The following ASB4 variants were observed in gnomAD, a reference collection of about 807,000 sequenced individuals.
ASB4 encodes the protein ankyrin repeat and SOCS box protein 4.
Under a neutral mutation model 38.6 loss-of-function variants are expected in ASB4, and 35 were observed. The observed-to-expected ratio is 0.91, with a 90% confidence interval of 0.69 to 1.20. The LOEUF is 1.20. Ranked by LOEUF, ASB4 falls within the 50% of genes most tolerant of loss-of-function variation. ASB4 has a pLI of 0.00. For missense variants in ASB4, 557 were observed against 527.2 expected, an observed-to-expected ratio of 1.06 and a Z score of -0.55; for synonymous variants, 195 against 201.3, an observed-to-expected ratio of 0.97 and a Z score of 0.26.
At chr7:95,491,096 C>G (rs1008248565) in intron 1 of ASB4, among the ~76,000 whole-genome samples, 6 of 152,246 alleles carry the variant, frequency 3.9e-5, no homozygotes, top group African/African-American at 1.2e-4. Flanking sequence ...TTGACAAGAC[C>G]CTCTCTAAGT....
intron 2 of ASB4, among the ~76,000 whole-genome samples, chr7:95,508,900 A>C (rs1790445006): frequency 6.6e-6 from 1 of 152,224 alleles, no homozygotes; most frequent in Non-Finnish European, 1.5e-5. Context: ...CAAAGACAGA[A>C]GATTGTGGGC....
chr7:95,479,179 T>C (rs1198715943), intron 1 of ASB4, among the ~76,000 whole-genome samples: 3 of 152,222 alleles, frequency 2.0e-5, no homozygotes, highest in Non-Finnish European at 4.4e-5. Flanking sequence ...TTTTGAATTA[T>C]TTGAAACACA....
At chr7:95,546,027 A>G in the ASB4 span, among the ~76,000 whole-genome samples, 1 of 152,222 alleles carries the variant, frequency 6.6e-6, no homozygotes, top group African/African-American at 2.4e-5. Flanking sequence ...TAATGCATAG[A>G]ATCAGACATG....
At chr7:95,527,742 T>G in intron 2 of ASB4, 71 bp from the exon 3 acceptor site, 1 of 1,400,006 alleles carries the variant, frequency 7.1e-7, no homozygotes. Flanking sequence ...GAGAAAAGTC[T>G]TGTTTAATGA....
At chr7:95,533,810 G>A (rs555355936) in intron 3 of ASB4, among the ~76,000 whole-genome samples, 3 of 152,310 alleles carry the variant, frequency 2.0e-5, no homozygotes, top group African/African-American at 2.4e-5. Context: ...AGTATATGAA[G>A]ATTTAACACA....
downstream of ASB4, among the ~76,000 whole-genome samples, chr7:95,541,941 C>G (rs1032324692): frequency 6.6e-6 from 1 of 152,108 alleles, no homozygotes; most frequent in Non-Finnish European, 1.5e-5. Context: ...GTGGCACATG[C>G]CTGTAGTCCC....
intron 2 of ASB4, among the ~76,000 whole-genome samples, chr7:95,504,391 G>A (rs1790380556): frequency 6.6e-6 from 1 of 152,210 alleles, no homozygotes. Flanking sequence ...AGTGGAACAT[G>A]GTAAGGCAAG....
At chr7:95,532,340 G>GT (rs1790829644) in intron 3 of ASB4, among the ~76,000 whole-genome samples, 1 of 152,240 alleles carries the variant, frequency 6.6e-6, no homozygotes, top group South Asian at 2.1e-4. Context: ...AATTACATAA[G>GT]CGGGGGAAAA....
At chr7:95,515,885 T>C (rs1207872060) in intron 2 of ASB4, among the ~76,000 whole-genome samples, 2 of 152,210 alleles carry the variant, frequency 1.3e-5, no homozygotes, top group Non-Finnish European at 2.9e-5. Context: ...CACTGTTGCT[T>C]GACAAATTCC....
At chr7:95,533,607 A>G (rs1790848694) in intron 3 of ASB4, among the ~76,000 whole-genome samples, 1 of 152,108 alleles carries the variant, frequency 6.6e-6, no homozygotes, top group Non-Finnish European at 1.5e-5. Context: ...TTCATTTGGT[A>G]TCTTTCACTC....
chr7:95,521,686 TAAA>T (rs35236189), intron 2 of ASB4, among the ~76,000 whole-genome samples: 1 of 147,652 alleles, frequency 6.8e-6, no homozygotes, highest in Admixed American at 6.8e-5. Context: ...CAGTTGAAAT[TAAA>T]AAAAAAAAAA....
the ASB4 span, among the ~76,000 whole-genome samples, chr7:95,470,702 T>A: frequency 6.6e-6 from 1 of 152,178 alleles, no homozygotes; most frequent in Non-Finnish European, 1.5e-5. Context: ...GCCTGGCAGC[T>A]GTGGCGACTG....
chr7:95,533,663 G>A (rs2116654315), intron 3 of ASB4, among the ~76,000 whole-genome samples: 1 of 152,228 alleles, frequency 6.6e-6, no homozygotes. Context: ...GCAGACTTGA[G>A]TTTAAATCCT....
intron 2 of ASB4, among the ~76,000 whole-genome samples, chr7:95,522,618 A>C (rs1423366748): frequency 6.6e-6 from 1 of 152,104 alleles, no homozygotes; most frequent in Non-Finnish European, 1.5e-5. Context: ...AAGGGTTGGG[A>C]AGCACTTATC....
upstream of ASB4, among the ~76,000 whole-genome samples, chr7:95,477,900 T>G (rs932375555): frequency 6.6e-6 from 1 of 151,570 alleles, no homozygotes; most frequent in African/African-American, 2.4e-5. Flanking sequence ...ACTGCAGCTT[T>G]GTCTGCAAAT....
At chr7:95,515,644 G>A (rs1790574092) in intron 2 of ASB4, among the ~76,000 whole-genome samples, 1 of 152,116 alleles carries the variant, frequency 6.6e-6, no homozygotes, top group Non-Finnish European at 1.5e-5. Flanking sequence ...TCAATCTCTT[G>A]ACCTTGTGAT....
Position 95,527,981 on chromosome 7 carries a change from C to A in ASB4, c.656C>A (p.Ala219Asp), listed in dbSNP as rs1411972411. 6.2e-7 allele frequency: 1 copy of A among 1,614,120 alleles called. No homozygotes were observed. Among genetic ancestry groups the A allele is most frequent in the South Asian group, 1.1e-5 (1 of 91,078 alleles). The part of the protein sequence containing the change: ...ETPLAIAAYW[A>D]LRFKEQEYST... Reference sequence around the variant, plus strand: ...CCCCTGGCCATCGCCGCCTACTGGGCCCTCCGCTTTAAGGAGCAGGAGTAC... The same window carrying A: ...CCCCTGGCCATCGCCGCCTACTGGGACCTCCGCTTTAAGGAGCAGGAGTAC... Residue 219 changes from alanine to aspartate, a missense_variant, in exon 3 of 5, where the codon GCC (alanine) becomes GAC (aspartate). Coordinates refer to ENST00000325885, the MANE Select transcript of ASB4 (RefSeq NM_016116.3).
chr7:95,527,421 G>A (rs1790753619), intron 2 of ASB4, among the ~76,000 whole-genome samples: 1 of 152,212 alleles, frequency 6.6e-6, no homozygotes, highest in African/African-American at 2.4e-5. Context: ...AGAGTCAAGT[G>A]TTGTGACATA....
At position 95,487,946 on chromosome 7, in the gene ASB4, C is replaced by G. The variant is rs574196615; in HGVS notation, c.187+1788C>G. On this transcript the variant is annotated intron_variant, in intron 1 of 4. Coordinates refer to ENST00000325885, the MANE Select transcript of ASB4 (RefSeq NM_016116.3). ...GTCTGCACTCATGTGTAGAAAGAAA[C>G]ACACTTGAAACACACTTCTCCACTA... Among the ~76,000 whole-genome samples the G allele has an allele frequency of 2.6e-5, 4 of 151,990 alleles. No homozygotes were observed. The East Asian group carries it at 7.7e-4, about 29-fold the overall frequency.
Sources: gnomAD v4.1 joint callset for allele counts (sites outside exome capture counted in the v4.1 genomes callset) on GRCh38, gnomAD v4.1.1 for gene constraint, MANE v1.5 for transcripts, NCBI Gene and HGNC (gene_info 2026-07-23, HGNC 2026-07-21) for gene names.